Variants in LTBP1 observed in about 807,000 individuals in gnomAD.
LTBP1 encodes the protein latent transforming growth factor beta binding protein 1.
A neutral mutation model predicts 207.6 loss-of-function variants in LTBP1; 129 were observed. That is an observed-to-expected ratio of 0.62 (90% confidence interval 0.54 to 0.72). The LOEUF (loss-of-function observed/expected upper bound fraction) is 0.72, where lower values mean the gene tolerates loss of function less well. LTBP1 is among the 30% of genes least tolerant of loss of function. The pLI, the probability that LTBP1 is intolerant of heterozygous loss-of-function variation, is 0.00. For synonymous variants in LTBP1, 963 were observed against 833.7 expected (o/e 1.16, Z -2.67); for missense variants, 2,281 against 2,217.2 (o/e 1.03, Z -0.58).
intron 10 of LTBP1, among the ~76,000 whole-genome samples, chr2:33,252,434 T>G (rs948673546): frequency 6.6e-6 from 1 of 152,200 alleles, no homozygotes; most frequent in African/African-American, 2.4e-5. Flanking sequence ...GCATGCTTGC[T>G]AAAATGGAAG....
chr2:33,266,699 A>G (rs978405846), intron 15 of LTBP1, among the ~76,000 whole-genome samples: 2 of 152,148 alleles, frequency 1.3e-5, no homozygotes, highest in African/African-American at 4.8e-5. Flanking sequence ...GGGTCTCCTC[A>G]GCTTTTCAGG....
chr2:33,337,451 A>G (rs1251173273), intron 24 of LTBP1, among the ~76,000 whole-genome samples: 3 of 152,176 alleles, frequency 2.0e-5, no homozygotes, highest in Non-Finnish European at 2.9e-5. Flanking sequence ...TTTTATTGGG[A>G]AATTCACATC....
chr2:33,215,141 A>T (rs1202020412), intron 7 of LTBP1, among the ~76,000 whole-genome samples: 1 of 151,680 alleles, frequency 6.6e-6, no homozygotes, highest in Non-Finnish European at 1.5e-5. Context: ...GCTTTTATCT[A>T]TAATAATAAT....
At chr2:33,142,592 G>C (rs2082721087) in intron 5 of LTBP1, among the ~76,000 whole-genome samples, 1 of 152,132 alleles carries the variant, frequency 6.6e-6, no homozygotes, top group African/African-American at 2.4e-5. Flanking sequence ...AGAATCAGGA[G>C]GGAATAAGGT....
At chr2:33,343,410 CAAAAA>C (rs60879811) in intron 25 of LTBP1, among the ~76,000 whole-genome samples, 3 of 97,248 alleles carry the variant, frequency 3.1e-5, no homozygotes, top group African/African-American at 6.5e-5. Flanking sequence ...GACCCTGTCT[CAAAAA>C]AAAAAAAAAA....
At chr2:33,381,986 G>T (rs186453771) in intron 31 of LTBP1, among the ~76,000 whole-genome samples, 7 of 149,624 alleles carry the variant, frequency 4.7e-5, no homozygotes, top group Non-Finnish European at 1.0e-4. Flanking sequence ...TGTCTGGTGC[G>T]TAGGAACTTA....
chr2:33,328,419 A>C (rs1456634299), intron 24 of LTBP1, among the ~76,000 whole-genome samples: 1 of 152,106 alleles, frequency 6.6e-6, no homozygotes, highest in Admixed American at 6.6e-5. Flanking sequence ...AATACCCAAG[A>C]CTGAGTAATT....
At chr2:33,392,221 C>G (rs2095320910) in intron 32 of LTBP1, among the ~76,000 whole-genome samples, 2 of 150,310 alleles carry the variant, frequency 1.3e-5, no homozygotes, top group African/African-American at 4.9e-5. Context: ...GTCTTCCTCT[C>G]TTGCATAGGC....
At chr2:33,334,031 A>G (rs1368020525) in intron 24 of LTBP1, among the ~76,000 whole-genome samples, 1 of 152,258 alleles carries the variant, frequency 6.6e-6, no homozygotes, top group East Asian at 1.9e-4. Flanking sequence ...GGTCAACCGC[A>G]TTGAATACAA....
In LTBP1 at chr2:33,280,154, C is replaced by T. The variant is rs1203099374; in HGVS notation, c.3108C>T (p.Cys1036=). Residue 1036 remains cysteine (C), a synonymous_variant, in exon 19 of 34, where the codon TGC becomes TGT. Coordinates refer to ENST00000404816, the MANE Select transcript of LTBP1 (RefSeq NM_206943.4). ...GATTCCGAGGCTGGAATGGACAGTG[C>T]CTTGGTAGGTACTATAGTGTACTTA... is the stretch of plus-strand genomic sequence containing the variant. ...TEGFRGWNGQ[C]LDVDECLEPN... is the part of the protein sequence containing the mutation. 3 of 1,613,818 alleles carry T rather than the reference C, an allele frequency of 1.9e-6. No homozygotes were observed. The African/African-American group carries it at 4.0e-5, about 22-fold the overall frequency.
chr2:33,010,305 C>G (rs1055169160), intron 2 of LTBP1, among the ~76,000 whole-genome samples: 5 of 152,186 alleles, frequency 3.3e-5, no homozygotes, highest in African/African-American at 1.2e-4. Context: ...AGTGGCATTA[C>G]ATCATAAGCA....
At chr2:33,319,451 G>A (rs556862812) in intron 24 of LTBP1, among the ~76,000 whole-genome samples, 5 of 152,104 alleles carry the variant, frequency 3.3e-5, no homozygotes, top group South Asian at 2.1e-4. Context: ...TTTGAGATTC[G>A]GTCTCTTCAT....
At chr2:32,979,167 T>C (rs1682352685) in intron 2 of LTBP1, among the ~76,000 whole-genome samples, 1 of 151,562 alleles carries the variant, frequency 6.6e-6, no homozygotes, top group Non-Finnish European at 1.5e-5. Context: ...TGATCTTTTA[T>C]ATATATATTT....
At chr2:33,044,523 AT>A (rs2076351963) in intron 3 of LTBP1, among the ~76,000 whole-genome samples, 1 of 152,184 alleles carries the variant, frequency 6.6e-6, no homozygotes, top group African/African-American at 2.4e-5. Flanking sequence ...ATTGATGAGC[AT>A]TTGGGTTGAT....
intron 4 of LTBP1, among the ~76,000 whole-genome samples, chr2:33,127,195 G>A (rs1239273036): frequency 6.6e-6 from 1 of 152,148 alleles, no homozygotes; most frequent in Admixed American, 6.5e-5. Context: ...GAGCCCAGGA[G>A]GTTTTGGTTT....
At chr2:33,368,137 G>A (rs1489681506) in intron 31 of LTBP1, among the ~76,000 whole-genome samples, 1 of 152,070 alleles carries the variant, frequency 6.6e-6, no homozygotes, top group African/African-American at 2.4e-5. Flanking sequence ...AACCTGGGAG[G>A]TGGAGGTTGC....
At chr2:33,130,773 A>G (rs372819387) in intron 4 of LTBP1, among the ~76,000 whole-genome samples, 9 of 152,262 alleles carry the variant, frequency 5.9e-5, no homozygotes, top group Admixed American at 2.0e-4. Flanking sequence ...AGGAGGCCCA[A>G]TGGCGGTGCT....
At position 33,385,547 on chromosome 2, in the gene LTBP1, A is replaced by T. The variant is rs1215845224; in HGVS notation, c.4712-3637A>T. 7.2e-5 allele frequency among the ~76,000 whole-genome samples: 11 copies of T among 152,340 alleles called. No homozygotes were observed. The East Asian group carries it at 2.1e-3, about 29-fold the overall frequency. The stretch of plus-strand genomic sequence containing the variant: ...TATCTCATTTTTTTACATATCAGTA[A>T]CACAGATGTAGTCAAACAAGAATTC... On this transcript the variant is annotated intron_variant, in intron 31 of 33. Coordinates refer to ENST00000404816, the MANE Select transcript of LTBP1 (RefSeq NM_206943.4).
Position 33,360,701 on chromosome 2 carries a change from A to G in LTBP1, c.4105A>G (p.Lys1369Glu). The change falls in exon 27 of 34, where the codon AAA becomes GAA. Residue 1369 changes from lysine (K) to glutamate (E), a missense_variant. This residue lies in a region of LTBP1 where 1,671 missense variants were observed against 1,634.8 expected (regional missense o/e 1.02). Coordinates refer to ENST00000404816, the MANE Select transcript of LTBP1 (RefSeq NM_206943.4). ...TAATGTGTTGGCCCCCAATGTCACG[A>G]AACAAGAATGCTGCTGTACATCAGG... ...CDNVLAPNVT[K>E]QECCCTSGVG... The G allele has an allele frequency of 6.2e-7, 1 of 1,614,010 alleles. No individual in the cohort carries two copies. The highest frequency in any genetic ancestry group is 8.5e-7 in the Non-Finnish European group (1 of 1,179,840).
Sources: gnomAD v4.1 joint callset for allele counts (sites outside exome capture counted in the v4.1 genomes callset) on GRCh38, gnomAD v4.1.1 for gene constraint, gnomAD v4.1.1 regional missense constraint, MANE v1.5 for transcripts, NCBI Gene and HGNC (gene_info 2026-07-23, HGNC 2026-07-21) for gene names.